GAS7: variants seen among roughly 807,000 people sequenced by gnomAD.
GAS7 encodes growth arrest-specific protein 7.
In GAS7, 28 loss-of-function variants were observed where a neutral mutation model predicts 71.1. The ratio of observed to expected loss-of-function variants is 0.39; its 90% CI spans 0.29 to 0.54. GAS7 has a LOEUF of 0.54. GAS7 is among the 20% of genes least tolerant of loss of function. The pLI is 0.62. For missense variants in GAS7, 436 were observed against 627.8 expected (o/e 0.69, Z 3.27); for synonymous variants, 258 against 245.8 (o/e 1.05, Z -0.46).
At chr17:10,010,816 A>C (rs909476960) in intron 2 of GAS7, among the ~76,000 whole-genome samples, 6 of 152,228 alleles carry the variant, frequency 3.9e-5, no homozygotes, top group Non-Finnish European at 8.8e-5. Flanking sequence ...GTGAATGAGT[A>C]TCACTTTTAC....
chr17:10,196,288 G>A (rs960014016), intron 1 of GAS7, among the ~76,000 whole-genome samples: 14 of 152,288 alleles, frequency 9.2e-5, no homozygotes, highest in South Asian at 2.1e-4. Flanking sequence ...AGCTGACTTC[G>A]CCTCTCTCAT....
chr17:10,132,771 A>C (rs899507518), intron 1 of GAS7, among the ~76,000 whole-genome samples: 2 of 152,106 alleles, frequency 1.3e-5, no homozygotes, highest in African/African-American at 2.4e-5. Flanking sequence ...TAAAAAAAAA[A>C]ATCATTTTTA....
intron 2 of GAS7, among the ~76,000 whole-genome samples, chr17:9,998,888 C>T (rs28735283): frequency 0.14 from 21,358 of 152,058 alleles, 2,077 homozygotes; most frequent in African/African-American, 0.27. Flanking sequence ...TATAACAAGA[C>T]ACTCCCTGCC....
intron 1 of GAS7, among the ~76,000 whole-genome samples, chr17:10,092,060 C>G (rs185382732): frequency 6.6e-6 from 1 of 152,244 alleles, no homozygotes. Context: ...CCTAAACAGT[C>G]TCCCCCGTTT....
intron 2 of GAS7, among the ~76,000 whole-genome samples, chr17:10,012,009 T>C (rs1270401729): frequency 1.4e-5 from 2 of 147,006 alleles, no homozygotes; most frequent in African/African-American, 2.5e-5. Context: ...CCATCTCAAA[T>C]GGTACTCTTT....
At chr17:10,090,510 G>A (rs78552928) in intron 1 of GAS7, among the ~76,000 whole-genome samples, 2 of 151,930 alleles carry the variant, frequency 1.3e-5, no homozygotes, top group African/African-American at 4.8e-5. Flanking sequence ...ATACTACACC[G>A]TCAGAATGGG....
chr17:10,054,646 G>T (rs2073111129), intron 1 of GAS7, among the ~76,000 whole-genome samples: 1 of 152,148 alleles, frequency 6.6e-6, no homozygotes, highest in African/African-American at 2.4e-5. Flanking sequence ...TGAAGAGGGG[G>T]TTCCCTGGTT....
intron 1 of GAS7, among the ~76,000 whole-genome samples, chr17:10,136,273 A>T (rs900274594): frequency 3.3e-5 from 5 of 152,124 alleles, no homozygotes; most frequent in African/African-American, 9.7e-5. Flanking sequence ...AGATCAAACC[A>T]TGAAATCTGT....
chr17:10,027,142 A>T (rs2072483904), intron 1 of GAS7: 1 of 152,184 alleles, frequency 6.6e-6, no homozygotes, highest in Non-Finnish European at 1.5e-5. Flanking sequence ...CAACAAAGAA[A>T]CAGACTATAA....
At chr17:9,971,263 T>A (rs575477698) in intron 3 of GAS7, among the ~76,000 whole-genome samples, 39 of 151,678 alleles carry the variant, frequency 2.6e-4, no homozygotes, top group African/African-American at 8.0e-4. Context: ...TTAAAAAAAA[T>A]TAAAAAGGGA....
chr17:9,918,153 GT>G, intron 12 of GAS7, 54 bp from the exon 13 acceptor site: 1 of 1,321,854 alleles, frequency 7.6e-7, no homozygotes, highest in Non-Finnish European at 1.1e-6. Context: ...CCACTTGGGG[GT>G]CCCCCCACCA....
intron 1 of GAS7, among the ~76,000 whole-genome samples, chr17:10,186,221 T>A (rs550372821): frequency 6.6e-6 from 1 of 152,022 alleles, no homozygotes; most frequent in East Asian, 1.9e-4. Context: ...CCTCCCAAAG[T>A]GCTGGCATTC....
intron 2 of GAS7, among the ~76,000 whole-genome samples, chr17:10,002,027 C>T (rs1005471760): frequency 2.0e-5 from 3 of 152,234 alleles, no homozygotes; most frequent in Admixed American, 2.0e-4. Context: ...CTAGCGGACA[C>T]GATACCACTG....
At chr17:10,152,865 G>A (rs1277304370) in intron 1 of GAS7, among the ~76,000 whole-genome samples, 1 of 151,936 alleles carries the variant, frequency 6.6e-6, no homozygotes, top group Non-Finnish European at 1.5e-5. Flanking sequence ...GCCAAGCAAG[G>A]GTAGGTGCGT....
At chr17:9,952,787 A>C (rs1280471678) in intron 5 of GAS7, among the ~76,000 whole-genome samples, 1 of 152,208 alleles carries the variant, frequency 6.6e-6, no homozygotes, top group East Asian at 1.9e-4. Flanking sequence ...AATCAAAACC[A>C]CAATGAGATA....
chr17:10,104,348 C>T (rs2073737649), intron 1 of GAS7, among the ~76,000 whole-genome samples: 1 of 152,160 alleles, frequency 6.6e-6, no homozygotes, highest in Non-Finnish European at 1.5e-5. Flanking sequence ...CTCAAGTAGT[C>T]ACCTTTTTGG....
At chr17:10,015,710 C>A (rs1314435075) in intron 2 of GAS7, among the ~76,000 whole-genome samples, 2 of 152,114 alleles carry the variant, frequency 1.3e-5, no homozygotes, top group Non-Finnish European at 2.9e-5. Context: ...GACTGCCGAG[C>A]AAAATTATTA....
At chr17:10,011,934 C>T (rs1440126397) in intron 2 of GAS7, among the ~76,000 whole-genome samples, 1 of 146,948 alleles carries the variant, frequency 6.8e-6, no homozygotes, top group Non-Finnish European at 1.5e-5. Context: ...GAGATTGCAC[C>T]ATTGCACTCC....
At chr17:10,141,987 G>GC (rs1005719162) in intron 1 of GAS7, among the ~76,000 whole-genome samples, 23 of 2,408 alleles carry the variant, frequency 9.6e-3, no homozygotes, top group Non-Finnish European at 0.014. Context: ...CCAGCACTTT[G>GC]GGGGGCCGAG....
Sources: gnomAD v4.1 joint callset for allele counts (sites outside exome capture counted in the v4.1 genomes callset) on GRCh38, gnomAD v4.1.1 for gene constraint, MANE v1.5 for transcripts, NCBI Gene and HGNC (gene_info 2026-07-23, HGNC 2026-07-21) for gene names.